NRG1: variants seen among roughly 807,000 people sequenced by gnomAD.
The protein encoded by NRG1 is neuregulin 1.
In NRG1, 18 loss-of-function variants were observed where a neutral mutation model predicts 63.8. The observed-to-expected ratio is 0.28, with a 90% CI of 0.19 to 0.42. The LOEUF is 0.42. NRG1 is among the 10% of genes least tolerant of loss of function. The pLI is 1.00. For synonymous variants in NRG1, 302 were observed against 301.3 expected (o/e 1.00, Z -0.02); for missense variants, 762 against 814.7 (o/e 0.94, Z 0.79).
chr8:32,352,883 T>C (rs984374831), intron 1 of NRG1, among the ~76,000 whole-genome samples: 1 of 146,440 alleles, frequency 6.8e-6, no homozygotes, highest in African/African-American at 2.5e-5. Flanking sequence ...GTCTCAATTT[T>C]TTAAAATATA....
At chr8:32,664,538 G>C (rs1803653635) in intron 5 of NRG1, among the ~76,000 whole-genome samples, 1 of 152,002 alleles carries the variant, frequency 6.6e-6, no homozygotes, top group African/African-American at 2.4e-5. Context: ...CACGTATTGT[G>C]TGTTCAGTGC....
chr8:32,136,388 A>G (rs558548590), intron 1 of NRG1, among the ~76,000 whole-genome samples: 5 of 152,310 alleles, frequency 3.3e-5, no homozygotes, highest in South Asian at 2.1e-4. Flanking sequence ...ATTGTCATAA[A>G]GTCCGTGGTC....
At chr8:32,641,974 A>T (rs944807089) in intron 5 of NRG1, among the ~76,000 whole-genome samples, 4 of 152,190 alleles carry the variant, frequency 2.6e-5, no homozygotes, top group Admixed American at 2.6e-4. Flanking sequence ...GAATGACAAG[A>T]AAAAATAGTT....
intron 1 of NRG1, among the ~76,000 whole-genome samples, chr8:31,779,341 G>A (rs926275482): frequency 2.0e-5 from 3 of 152,030 alleles, no homozygotes; most frequent in African/African-American, 7.2e-5. Flanking sequence ...TTAATAAGCT[G>A]TAAGTTTTGG....
intron 1 of NRG1, among the ~76,000 whole-genome samples, chr8:31,699,890 A>T (rs1585755732): frequency 6.6e-6 from 1 of 152,152 alleles, no homozygotes; most frequent in Non-Finnish European, 1.5e-5. Context: ...AGAAGAAGGG[A>T]ACAGGGATGC....
At chr8:32,512,385 A>C (rs17645692) in intron 1 of NRG1, among the ~76,000 whole-genome samples, 27,594 of 152,216 alleles carry the variant, frequency 0.18, 3,035 homozygotes, top group South Asian at 0.3. Flanking sequence ...GAATGGTAAA[A>C]TGCAAACTGA....
chr8:31,710,632 T>G (rs1811647017), intron 1 of NRG1, among the ~76,000 whole-genome samples: 1 of 152,074 alleles, frequency 6.6e-6, no homozygotes, highest in Admixed American at 6.5e-5. Context: ...GCTTGTCTAA[T>G]ATGAAAAATA....
At chr8:32,576,523 C>T (rs1428320637) in intron 1 of NRG1, among the ~76,000 whole-genome samples, 2 of 151,896 alleles carry the variant, frequency 1.3e-5, no homozygotes, top group South Asian at 2.1e-4. Context: ...CTATAATTTA[C>T]CCAGGGCAAT....
intron 1 of NRG1, among the ~76,000 whole-genome samples, chr8:32,251,069 T>C (rs1849046532): frequency 6.6e-6 from 1 of 151,998 alleles, no homozygotes; most frequent in African/African-American, 2.4e-5. Flanking sequence ...ATTATTATTA[T>C]TATTATACTT....
chr8:32,200,590 G>A (rs907441829), intron 1 of NRG1, among the ~76,000 whole-genome samples: 3 of 152,152 alleles, frequency 2.0e-5, no homozygotes, highest in African/African-American at 7.2e-5. Context: ...GCATTGAGAA[G>A]CATTATTTTG....
intron 1 of NRG1, among the ~76,000 whole-genome samples, chr8:31,847,183 C>T (rs1279457956): frequency 6.6e-6 from 1 of 152,194 alleles, no homozygotes. Flanking sequence ...ATTGGTGTTA[C>T]ACAATCTTTC....
chr8:32,326,825 A>G (rs1420536041), intron 1 of NRG1, among the ~76,000 whole-genome samples: 2 of 152,178 alleles, frequency 1.3e-5, no homozygotes, highest in Non-Finnish European at 2.9e-5. Context: ...CCAAACCTTT[A>G]GGCACTATAA....
intron 5 of NRG1, among the ~76,000 whole-genome samples, chr8:32,723,189 T>C (rs182883093): frequency 6.6e-6 from 1 of 152,228 alleles, no homozygotes; most frequent in African/African-American, 2.4e-5. Context: ...CTAAGACAGG[T>C]AGATAGAGAG....
chr8:31,666,683 A>G (rs1008309651), intron 1 of NRG1, among the ~76,000 whole-genome samples: 2 of 152,170 alleles, frequency 1.3e-5, no homozygotes, highest in African/African-American at 2.4e-5. Context: ...GCTTTTTATG[A>G]TCTCTTTCCC....
intron 1 of NRG1, among the ~76,000 whole-genome samples, chr8:32,473,154 T>C (rs1369591577): frequency 2.0e-5 from 3 of 152,208 alleles, no homozygotes; most frequent in African/African-American, 7.2e-5. Context: ...CATATCTACA[T>C]ATGTACATGT....
intron 5 of NRG1, among the ~76,000 whole-genome samples, chr8:32,706,872 T>C (rs1392469068): frequency 6.6e-6 from 1 of 152,116 alleles, no homozygotes; most frequent in Non-Finnish European, 1.5e-5. Context: ...TCCTATGGAA[T>C]AGGGATTTCA....
intron 1 of NRG1, among the ~76,000 whole-genome samples, chr8:31,927,293 T>C (rs28656244): frequency 0.036 from 5,412 of 152,182 alleles, 351 homozygotes; most frequent in African/African-American, 0.12. Context: ...TTCTCTAATA[T>C]ATAAAAAATA....
At chr8:32,411,972 A>AT (rs774271661) in intron 1 of NRG1, among the ~76,000 whole-genome samples, 3 of 152,156 alleles carry the variant, frequency 2.0e-5, no homozygotes, top group Non-Finnish European at 4.4e-5. Flanking sequence ...GGTCCCAGAC[A>AT]TTTGTCCAGC....
At chr8:32,675,885 G>A (rs1806961387) in intron 5 of NRG1, among the ~76,000 whole-genome samples, 1 of 152,012 alleles carries the variant, frequency 6.6e-6, no homozygotes, top group East Asian at 1.9e-4. Context: ...AATTTGTCTT[G>A]TTTATTTGGC....
Sources: allele counts gnomAD v4.1 joint callset (sites outside exome capture counted in the v4.1 genomes callset), GRCh38; gene constraint gnomAD v4.1.1; transcripts MANE v1.5; gene names NCBI Gene and HGNC (gene_info 2026-07-23, HGNC 2026-07-21).